CHD1: variants seen among roughly 807,000 people sequenced by gnomAD.
CHD1 encodes chromodomain helicase DNA binding protein 1, also known as ATP-dependent chromatin remodeler CHD1.
A neutral mutation model predicts 224.2 loss-of-function variants in CHD1; 36 were observed. The observed-to-expected ratio is 0.16, with a 90% CI of 0.12 to 0.21. The LOEUF is 0.21. Among genes scored for constraint, CHD1 ranks in the 10% least tolerant of loss-of-function variants. The probability of loss-of-function intolerance (pLI) is 1.00; values close to 1 mark genes in which losing one functional copy is unlikely to be tolerated. For synonymous variants in CHD1, 668 were observed against 658.3 expected (o/e 1.01, Z -0.23); for missense variants, 1,378 against 1,994.8 (o/e 0.69, Z 5.89).
chr5:98,898,484 A>G, intron 9 of CHD1, 50 bp from the exon 10 acceptor site: 2 of 1,402,192 alleles, frequency 1.4e-6, no homozygotes, highest in Non-Finnish European at 1.9e-6. Flanking sequence ...TTTTACATTT[A>G]ATCATCAGAT....
At chr5:98,910,766 G>A (rs917731537) in intron 2 of CHD1, among the ~76,000 whole-genome samples, 1 of 151,874 alleles carries the variant, frequency 6.6e-6, no homozygotes, top group African/African-American at 2.4e-5. Context: ...TGCAGTAGTG[G>A]ACATATTATT....
chr5:98,911,148 T>TATAC (rs1320071963), intron 2 of CHD1, among the ~76,000 whole-genome samples: 7 of 63,150 alleles, frequency 1.1e-4, no homozygotes, highest in Non-Finnish European at 2.1e-4. Flanking sequence ...AAAAAAAAAA[T>TATAC]ATATATATAT....
At chr5:98,878,407 T>C (rs1749925011) in intron 23 of CHD1, among the ~76,000 whole-genome samples, 2 of 152,280 alleles carry the variant, frequency 1.3e-5, no homozygotes, top group African/African-American at 4.8e-5. Context: ...GGGACTAGAG[T>C]GGGGCAAGCC....
intron 15 of CHD1, among the ~76,000 whole-genome samples, 195 bp from the exon 16 acceptor site, chr5:98,889,433 C>T (rs1212337092): frequency 1.3e-5 from 2 of 152,140 alleles, no homozygotes; most frequent in African/African-American, 2.4e-5. Context: ...TTTTCTGAAC[C>T]ATTAGCTATA....
intron 2 of CHD1, among the ~76,000 whole-genome samples, chr5:98,921,252 G>A (rs62367699): frequency 0.073 from 11,173 of 152,196 alleles, 541 homozygotes; most frequent in Middle Eastern, 0.15. Context: ...TACTGCTTCC[G>A]GAGAAACGAA....
chr5:98,903,427 TTC>T (rs1166947533), intron 4 of CHD1, among the ~76,000 whole-genome samples: 89 of 151,290 alleles, frequency 5.9e-4, no homozygotes, highest in African/African-American at 2.0e-3. Flanking sequence ...ATGTTGAGAT[TTC>T]TGTTATTATT....
Position 98,901,311 on chromosome 5 carries a change from T to G in CHD1, c.462A>C (p.Ser154=), listed in dbSNP as rs777158636. 2 of 1,608,688 alleles carry G rather than the reference T, an allele frequency of 1.2e-6. No homozygotes were observed. The highest frequency in any genetic ancestry group is 1.7e-6 in the Non-Finnish European group (2 of 1,178,740). ...HKDEDWQMSG[S]GSPSQSGSDS... ...CTGAACCAGACTGAGATGGAGATCC[T>G]GACCCAGACATTTGCCAATCTTCAC... Residue 154 remains serine, a synonymous_variant, in exon 6 of 36, where the codon TCA becomes TCC. Transcript: ENST00000614616.
At chr5:98,879,483 A>T in intron 23 of CHD1, 69 bp downstream of exon 23, 2 of 1,418,418 alleles carry the variant, frequency 1.4e-6, no homozygotes, top group Non-Finnish European at 1.9e-6. Flanking sequence ...TACCTCGTAG[A>T]AACAAACAAA....
chr5:98,883,031 A>C, intron 19 of CHD1, 57 bp downstream of exon 19: 2 of 290,634 alleles, frequency 6.9e-6, no homozygotes, highest in Non-Finnish European at 1.1e-5. Flanking sequence ...AATCACTTCC[A>C]AAAAAAAAAA....
chr5:98,893,389 A>C, intron 14 of CHD1, 27 bp downstream of exon 14: 1 of 1,504,308 alleles, frequency 6.6e-7, no homozygotes, highest in South Asian at 1.2e-5. Context: ...TCCACACAAT[A>C]TGATTAAAAT....
At chr5:98,910,230 T>C (rs1165865472) in intron 2 of CHD1, among the ~76,000 whole-genome samples, 1 of 152,106 alleles carries the variant, frequency 6.6e-6, no homozygotes, top group East Asian at 1.9e-4. Context: ...TCGGGTTGAG[T>C]TGGTTGCAAA....
chr5:98,878,522 T>C (rs968334760), intron 23 of CHD1, among the ~76,000 whole-genome samples: 2 of 152,138 alleles, frequency 1.3e-5, no homozygotes, highest in Non-Finnish European at 2.9e-5. Flanking sequence ...AAAAAGAAAT[T>C]AGTCTTAGAA....
chr5:98,875,104 C>T lies in CHD1; in HGVS notation c.3408G>A (p.Lys1136=), dbSNP rs1749653153. The T allele has an allele frequency of 6.6e-7, 1 of 1,505,004 alleles. No homozygotes were observed. Among genetic ancestry groups the T allele is most frequent in the Non-Finnish European group, 9.2e-7 (1 of 1,088,470 alleles). 93.2% of individuals were successfully genotyped at this position (1,505,004 alleles called of 1,614,324 possible). A position where few individuals can be genotyped will look rare whatever the true frequency, so the allele number is the denominator to read the frequency against. Residue 1136 remains lysine (K), a synonymous_variant, in exon 25 of 36, where the codon AAG becomes AAA. Transcript: ENST00000614616. The part of the protein sequence containing the change: ...FSDAEIRRFI[K]SYKKFGGPLE... The stretch of plus-strand genomic sequence containing the variant: ...GAGGACCACCAAATTTCTTATAGCT[C>T]TTGATAAACCTAAGAGAAAATAATT...
chr5:98,901,349 T>G lies in CHD1; in HGVS notation c.438-14A>C. 6.3e-7 allele frequency: 1 copy of G among 1,589,514 alleles called. No homozygotes were observed. The highest frequency in any genetic ancestry group is 8.5e-7 in the Non-Finnish European group (1 of 1,172,464). ...TGCCAATCTTCACTGCAGACAAAAT[T>G]TATAAAGTATTTTTATTTGTACTTA... is the stretch of plus-strand genomic sequence containing the variant. On this transcript the variant is annotated splice_polypyrimidine_tract_variant and intron_variant, in intron 5 of 35. Transcript: ENST00000614616.
At chr5:98,887,815 A>G (rs913465532) in intron 17 of CHD1, among the ~76,000 whole-genome samples, 1 of 152,172 alleles carries the variant, frequency 6.6e-6, no homozygotes, top group East Asian at 1.9e-4. Context: ...GCCTTAGTTC[A>G]GTTTTTAAAA....
intron 2 of CHD1, among the ~76,000 whole-genome samples, chr5:98,918,292 C>T (rs535423936): frequency 4.4e-4 from 67 of 151,540 alleles, no homozygotes; most frequent in Middle Eastern, 6.8e-3. Context: ...ATCTCCTGAC[C>T]TTGTGATCCA....
At chr5:98,901,528 C>T (rs1446260693) in intron 5 of CHD1, among the ~76,000 whole-genome samples, 193 bp from the exon 6 acceptor site, 2 of 152,074 alleles carry the variant, frequency 1.3e-5, no homozygotes, top group African/African-American at 4.8e-5. Context: ...TCTCACAACT[C>T]TAGTTTTGCT....
At position 98,928,263 on chromosome 5, in the gene CHD1, G is replaced by A. The variant is rs927611746; in HGVS notation, c.-149+276C>T. Among the ~76,000 whole-genome samples, 7 of 152,134 alleles carry A rather than the reference G, an allele frequency of 4.6e-5. No individual in the cohort carries two copies. The East Asian group carries it at 7.8e-4, about 17-fold the overall frequency. ...ACCGGCTAAGTGCTAGCCATTCGCG[G>A]GTCTCCTCTCGCGGCCCGGTCGGCA... On this transcript the variant is annotated intron_variant, in intron 1 of 35. Transcript: ENST00000614616.
chr5:98,890,638 C>G (rs1750952463), intron 15 of CHD1, among the ~76,000 whole-genome samples: 1 of 152,092 alleles, frequency 6.6e-6, no homozygotes, highest in East Asian at 1.9e-4. Flanking sequence ...CTACAAAATG[C>G]ATTACTTTTT....
Sources: gnomAD v4.1 joint callset for allele counts (sites outside exome capture counted in the v4.1 genomes callset) on GRCh38, gnomAD v4.1.1 for gene constraint, MANE v1.5 for transcripts, NCBI Gene and HGNC (gene_info 2026-07-23, HGNC 2026-07-21) for gene names.